Variants in RBFOX3 observed in about 807,000 individuals in gnomAD.
The protein encoded by RBFOX3 is RNA binding fox-1 homolog 3.
A neutral mutation model predicts 48.7 loss-of-function variants in RBFOX3; 17 were observed. The ratio of observed to expected loss-of-function variants is 0.35; its 90% CI spans 0.24 to 0.52. The LOEUF is 0.52. Ranked by LOEUF, RBFOX3 falls within the 20% of genes least tolerant of loss-of-function variation. The pLI is 0.94. For missense variants in RBFOX3, 382 were observed against 497.5 expected, an observed-to-expected ratio of 0.77 and a Z score of 2.21; for synonymous variants, 212 against 209.5, an observed-to-expected ratio of 1.01 and a Z score of -0.10.
chr17:79,092,031 G>A (rs2146107506), intron 14 of RBFOX3: 4 of 985,484 alleles, frequency 4.1e-6, no homozygotes, highest in Non-Finnish European at 4.8e-6. Context: ...GGTTGGCTGG[G>A]TGAAGGCCTG....
Position 79,254,705 on chromosome 17 carries a change from A to G in RBFOX3, c.-73-18900T>C, listed in dbSNP as rs2064490546. Among the ~76,000 whole-genome samples the G allele has an allele frequency of 6.6e-6, 1 of 152,258 alleles. No individual in the cohort carries two copies. The highest frequency in any genetic ancestry group is 2.1e-4 in the South Asian group (1 of 4,818). On this transcript the variant is annotated intron_variant, in intron 3 of 14. Coordinates refer to ENST00000693108, the MANE Select transcript of RBFOX3 (RefSeq NM_001350451.2). This position sits in a 1 kb window ranked among gnomAD's most constrained non-coding sequence, Gnocchi z 4.8. ...TTGCCCCTCCATGCAGTGTCAGTCC[A>G]GGCTGTGAAAAACCCGCCCTGCCTG...
intron 3 of RBFOX3, among the ~76,000 whole-genome samples, chr17:79,263,749 G>A (rs1213625092): frequency 6.6e-6 from 1 of 152,176 alleles, no homozygotes; most frequent in Non-Finnish European, 1.5e-5. Context: ...GCGAATGGCT[G>A]GATGAACGCG....
chr17:79,255,214 CAT>C (rs879486013), intron 3 of RBFOX3, among the ~76,000 whole-genome samples: 5 of 127,080 alleles, frequency 3.9e-5, no homozygotes, highest in East Asian at 2.3e-4. Context: ...CCTGTGGTCA[CAT>C]GTGTGCGTGT....
chr17:79,326,814 A>G (rs2079404410), intron 2 of RBFOX3, among the ~76,000 whole-genome samples: 1 of 152,212 alleles, frequency 6.6e-6, no homozygotes, highest in Admixed American at 6.5e-5. Context: ...AGACAGCTAC[A>G]AACAGATTTC....
chr17:79,603,277 CA>C (rs2093750404), intron 1 of RBFOX3, among the ~76,000 whole-genome samples: 1 of 152,216 alleles, frequency 6.6e-6, no homozygotes, highest in African/African-American at 2.4e-5. Context: ...AGGCGTGAGA[CA>C]CCCTGCCCTG....
chr17:79,584,477 T>C (rs2093174968), intron 1 of RBFOX3, among the ~76,000 whole-genome samples: 1 of 152,146 alleles, frequency 6.6e-6, no homozygotes, highest in Non-Finnish European at 1.5e-5. Context: ...ATTACAAAAA[T>C]ATGGAACCAG....
chr17:79,507,151 C>T (rs1162017604), intron 1 of RBFOX3, among the ~76,000 whole-genome samples: 3 of 152,100 alleles, frequency 2.0e-5, no homozygotes, highest in Non-Finnish European at 4.4e-5. Flanking sequence ...GCCCCATTCT[C>T]CACACCCTGC....
intron 3 of RBFOX3, among the ~76,000 whole-genome samples, chr17:79,251,723 C>G (rs2063986668): frequency 6.6e-6 from 1 of 152,204 alleles, no homozygotes. Context: ...GGCTGCATGG[C>G]AGGTTCCGCC....
chr17:79,367,596 A>G (rs1407399744), intron 2 of RBFOX3, among the ~76,000 whole-genome samples: 1 of 152,076 alleles, frequency 6.6e-6, no homozygotes, highest in East Asian at 1.9e-4. Flanking sequence ...TTAGATTGCA[A>G]AAGTCAGATT....
chr17:79,611,266 CGGCGCGGGCGGCGGT>C (rs1416184440), upstream of RBFOX3, among the ~76,000 whole-genome samples: 1 of 149,600 alleles, frequency 6.7e-6, no homozygotes, highest in African/African-American at 2.5e-5. Context: ...CACGCGGCGG[CGGCGCGGGCGGCGGT>C]GGCAGCTCGA....
chr17:79,453,838 G>A (rs1379636886), intron 2 of RBFOX3, among the ~76,000 whole-genome samples: 2 of 152,152 alleles, frequency 1.3e-5, no homozygotes, highest in African/African-American at 4.8e-5. Flanking sequence ...ACGCAGGCAT[G>A]AGGGAGGCTC....
chr17:79,355,006 A>T (rs554952676), intron 2 of RBFOX3, among the ~76,000 whole-genome samples: 1 of 152,250 alleles, frequency 6.6e-6, no homozygotes, highest in East Asian at 1.9e-4. Context: ...TTATTTTGCT[A>T]ATAGTCCGCC....
the RBFOX3 span, among the ~76,000 whole-genome samples, chr17:79,624,866 T>G: frequency 3.2e-5 from 4 of 126,872 alleles, no homozygotes; most frequent in African/African-American, 1.2e-4. Context: ...GCTCCCACTT[T>G]GGGCACACTC....
chr17:79,432,798 G>A (rs2068699439), intron 2 of RBFOX3, among the ~76,000 whole-genome samples: 1 of 152,130 alleles, frequency 6.6e-6, no homozygotes, highest in Admixed American at 6.5e-5. Flanking sequence ...TAGAAATTCT[G>A]CAAGCTCCTC....
intron 4 of RBFOX3, among the ~76,000 whole-genome samples, chr17:79,144,763 C>A (rs573868588): frequency 1.5e-3 from 234 of 152,308 alleles, no homozygotes; most frequent in African/African-American, 5.1e-3. Context: ...AGGTGCCCCC[C>A]ACTCGGGCAC....
At chr17:79,387,479 G>T (rs7225361) in intron 2 of RBFOX3, among the ~76,000 whole-genome samples, 87,036 of 152,052 alleles carry the variant, frequency 0.57, 25,116 homozygotes, top group South Asian at 0.66. Flanking sequence ...CTGATCTAGG[G>T]ATAAATACTG....
At chr17:79,165,622 T>A (rs1360932018) in intron 4 of RBFOX3, among the ~76,000 whole-genome samples, 2 of 152,158 alleles carry the variant, frequency 1.3e-5, no homozygotes, top group African/African-American at 4.8e-5. Flanking sequence ...CGGAGCCCCC[T>A]GGAGAAATTC....
the RBFOX3 span, among the ~76,000 whole-genome samples, chr17:79,662,281 C>T: frequency 6.6e-6 from 1 of 151,876 alleles, no homozygotes; most frequent in African/African-American, 2.4e-5. Flanking sequence ...CACCACCACA[C>T]CTGGCTAATT....
Position 79,423,619 on chromosome 17 carries a change from C to A in RBFOX3, c.-175+58835G>T. On this transcript the variant is annotated intron_variant, in intron 2 of 14. Coordinates refer to ENST00000693108, the MANE Select transcript of RBFOX3 (RefSeq NM_001350451.2). The surrounding 1 kb of genome is among the most constrained non-coding windows in gnomAD (Gnocchi z 4.9). ...ACTGCCCCCTGTGCAAACGCAGCCC[C>A]CACCCCTTCGTCCCATTTGCTTTTT... The A allele has an allele frequency of 6.5e-6, 1 of 153,526 alleles. No homozygotes were observed. The allele number at this position is 153,526 out of a possible 1,614,324, so 9.5% of individuals were successfully genotyped here. A position where few individuals can be genotyped will look rare whatever the true frequency, so the allele number is the denominator to read the frequency against.
Sources: gnomAD v4.1 joint callset for allele counts (sites outside exome capture counted in the v4.1 genomes callset) on GRCh38, gnomAD v4.1.1 for gene constraint, Gnocchi (gnomAD v3.1) non-coding constraint, MANE v1.5 for transcripts, NCBI Gene and HGNC (gene_info 2026-07-23, HGNC 2026-07-21) for gene names.